ADCY9: variants seen among roughly 807,000 people sequenced by gnomAD.
The protein encoded by ADCY9 is adenylate cyclase 9, also known as adenylate cyclase type 9.
Under a neutral mutation model 101.5 loss-of-function variants are expected in ADCY9, and 50 were observed. The observed-to-expected ratio is 0.49, with a 90% CI of 0.39 to 0.62. The LOEUF is 0.62. ADCY9 is among the 20% of genes least tolerant of loss of function. The pLI, the probability that ADCY9 is intolerant of heterozygous loss-of-function variation, is 0.00. For synonymous variants in ADCY9, 905 were observed against 769.3 expected, an observed-to-expected ratio of 1.18 and a Z score of -2.92; for missense variants, 1,662 against 1,800.4, an observed-to-expected ratio of 0.92 and a Z score of 1.39.
Position 4,113,933 on chromosome 16 carries a change from T to A in ADCY9, c.1510A>T (p.Arg504Trp). The A allele has an allele frequency of 6.2e-7, 1 of 1,614,048 alleles. No individual in the cohort carries two copies. Among genetic ancestry groups the A allele is most frequent in the Non-Finnish European group, 8.5e-7 (1 of 1,180,014 alleles). ...TVLCGILGMRRFKFDVWSNDV... is the reference protein window; with the variant it reads ...TVLCGILGMRWFKFDVWSNDV... ...TTGGACCACACGTCAAATTTAAACCTCCTCATGCCCAGGATGCCGCAAAGG... is the reference window on the plus strand; with the variant it reads ...TTGGACCACACGTCAAATTTAAACCACCTCATGCCCAGGATGCCGCAAAGG... Residue 504 changes from arginine (R) to tryptophan (W), a missense_variant, in exon 2 of 11, where the codon AGG becomes TGG. Arg to Trp is a moderately radical substitution (Grantham distance 101). Around this residue, in one of 5 missense-constraint regions of ADCY9, gnomAD observed 228 missense variants for 301.1 expected, o/e 0.76. Transcript: ENST00000294016.
chr16:4,019,639 T>G (rs2056461548), intron 2 of ADCY9, among the ~76,000 whole-genome samples: 1 of 152,124 alleles, frequency 6.6e-6, no homozygotes, highest in Admixed American at 6.6e-5. Flanking sequence ...CTCCCCTGTC[T>G]TATGGCAGAA....
chr16:4,055,170 G>T (rs556659384), intron 2 of ADCY9, among the ~76,000 whole-genome samples: 1 of 152,134 alleles, frequency 6.6e-6, no homozygotes, highest in African/African-American at 2.4e-5. Flanking sequence ...CTTCCACACC[G>T]GGAAGGGCCC....
chr16:4,023,688 G>T (rs777051981), intron 2 of ADCY9, among the ~76,000 whole-genome samples: 1 of 152,148 alleles, frequency 6.6e-6, no homozygotes, highest in African/African-American at 2.4e-5. Flanking sequence ...CGAGGTAGGC[G>T]GATCACTTGA....
intron 2 of ADCY9, among the ~76,000 whole-genome samples, chr16:4,068,001 C>G (rs1171527490): frequency 6.6e-6 from 1 of 151,572 alleles, no homozygotes; most frequent in African/African-American, 2.4e-5. Flanking sequence ...TTTCCTCTTT[C>G]ACTTTTGGGA....
At chr16:3,955,310 A>T (rs2055901311) in intron 5 of ADCY9, among the ~76,000 whole-genome samples, 1 of 152,108 alleles carries the variant, frequency 6.6e-6, no homozygotes, top group South Asian at 2.1e-4. Flanking sequence ...GGACCACCTG[A>T]GGCCAGGAGT....
rs2056251578 is a variant in ADCY9 at position 3,992,346 on chromosome 16, A to G, written c.2007T>C (p.Asn669=). The G allele has an allele frequency of 1.2e-6, 2 of 1,613,872 alleles. No homozygotes were observed. The highest frequency in any genetic ancestry group is 4.5e-5 in the East Asian group (2 of 44,866). ...KNSTKASGGP[N]PKTQNGLLSP... is the part of the protein sequence containing the mutation. Reference sequence around the variant, plus strand: ...TGAGGAGCCCGTTCTGAGTTTTGGGATTAGGTCCTCCAGAAGCCTGCCTCG... The same window carrying G: ...TGAGGAGCCCGTTCTGAGTTTTGGGGTTAGGTCCTCCAGAAGCCTGCCTCG... Residue 669 remains asparagine, a synonymous_variant, in exon 5 of 11, where the codon AAT becomes AAC. Coordinates refer to ENST00000294016, the MANE Select transcript of ADCY9 (RefSeq NM_001116.4). The surrounding 1 kb of genome is among the most constrained non-coding windows in gnomAD (Gnocchi z 4.2).
chr16:4,096,645 T>C (rs2057005664), intron 2 of ADCY9, among the ~76,000 whole-genome samples: 1 of 152,164 alleles, frequency 6.6e-6, no homozygotes, highest in Non-Finnish European at 1.5e-5. Flanking sequence ...CAATCCACAC[T>C]TTAAATAGTA....
At chr16:4,068,591 G>T (rs991929183) in intron 2 of ADCY9, among the ~76,000 whole-genome samples, 3 of 151,994 alleles carry the variant, frequency 2.0e-5, no homozygotes, top group African/African-American at 4.8e-5. Flanking sequence ...TAGATGAGCG[G>T]ATCATGAGGT....
intron 2 of ADCY9, among the ~76,000 whole-genome samples, chr16:4,111,526 T>C (rs2057113781): frequency 6.6e-6 from 1 of 152,204 alleles, no homozygotes. Flanking sequence ...CTACAAACTG[T>C]GCTGTCATCT....
At chr16:4,062,986 C>A (rs2056781193) in intron 2 of ADCY9, among the ~76,000 whole-genome samples, 1 of 152,176 alleles carries the variant, frequency 6.6e-6, no homozygotes, top group Non-Finnish European at 1.5e-5. Flanking sequence ...ACAGCATTGT[C>A]AACCAACCTG....
rs2056417253 is a variant in ADCY9 at position 4,013,439 on chromosome 16, TAAAAGAAAAAGAAG to T, written c.1694-5895_1694-5882del. 2.0e-5 allele frequency among the ~76,000 whole-genome samples: 3 copies of T among 150,348 alleles called. No individual in the cohort carries two copies. The South Asian group carries it at 6.3e-4, about 32-fold the overall frequency. On this transcript the variant is annotated intron_variant, in intron 2 of 10. Coordinates refer to ENST00000294016, the MANE Select transcript of ADCY9 (RefSeq NM_001116.4). ...TCCGTCTCAAAAAAGAAAAAAAAAT[TAAAAGAAAAAGAAG>T]AAAAGAAAAACAAGAAAGAGAAGAA...
chr16:3,989,608 G>A (rs2056227570), intron 5 of ADCY9, among the ~76,000 whole-genome samples: 1 of 152,160 alleles, frequency 6.6e-6, no homozygotes, highest in Admixed American at 6.5e-5. Flanking sequence ...TCGAACTCCT[G>A]GGCTCAAGAG....
At chr16:4,074,783 G>A (rs953793824) in intron 2 of ADCY9, among the ~76,000 whole-genome samples, 10 of 150,792 alleles carry the variant, frequency 6.6e-5, no homozygotes, top group African/African-American at 2.2e-4. Context: ...AAAAGTGATC[G>A]AGGGGAAAAA....
intron 3 of ADCY9, among the ~76,000 whole-genome samples, chr16:3,994,078 A>G (rs1014241363): frequency 6.6e-6 from 1 of 152,106 alleles, no homozygotes; most frequent in African/African-American, 2.4e-5. Flanking sequence ...CCTAATTCCC[A>G]AGGGGATGGC....
At chr16:4,027,591 G>C (rs1168082578) in intron 2 of ADCY9, among the ~76,000 whole-genome samples, 1 of 152,136 alleles carries the variant, frequency 6.6e-6, no homozygotes, top group African/African-American at 2.4e-5. Flanking sequence ...AAAACCATCA[G>C]ATCAACTGGA....
At chr16:4,002,788 C>G (rs1336884639) in intron 3 of ADCY9, among the ~76,000 whole-genome samples, 2 of 152,214 alleles carry the variant, frequency 1.3e-5, no homozygotes, top group Admixed American at 1.3e-4. Flanking sequence ...GGTCTCAGCT[C>G]ACTGCAACCT....
chr16:4,079,014 G>A (rs1436411701), intron 2 of ADCY9, among the ~76,000 whole-genome samples: 1 of 152,126 alleles, frequency 6.6e-6, no homozygotes, highest in Non-Finnish European at 1.5e-5. Flanking sequence ...TCGAGTCTAA[G>A]ATGCCAATGA....
intron 2 of ADCY9, among the ~76,000 whole-genome samples, chr16:4,023,518 C>T (rs1004628714): frequency 2.0e-5 from 3 of 152,148 alleles, no homozygotes; most frequent in Admixed American, 6.6e-5. Context: ...AGCATGCTCA[C>T]GTGGCTGAAA....
chr16:4,103,070 C>G (rs2057054033), intron 2 of ADCY9, among the ~76,000 whole-genome samples: 1 of 152,194 alleles, frequency 6.6e-6, no homozygotes, highest in Non-Finnish European at 1.5e-5. Flanking sequence ...CAAAGATTTA[C>G]CAGAATCACA....
Sources: allele counts gnomAD v4.1 joint callset (sites outside exome capture counted in the v4.1 genomes callset), GRCh38; gene constraint gnomAD v4.1.1; regional missense constraint gnomAD v4.1.1; non-coding constraint Gnocchi (gnomAD v3.1); transcripts MANE v1.5; gene names NCBI Gene and HGNC (gene_info 2026-07-23, HGNC 2026-07-21).